Variants in B4GALNT3 observed in about 807,000 individuals in gnomAD.
B4GALNT3 encodes the protein beta-1,4-N-acetyl-galactosaminyltransferase 3, also known as beta-1,4-N-acetylgalactosaminyltransferase 3.
In B4GALNT3, 86 loss-of-function variants were observed where a neutral mutation model predicts 120.2. The observed-to-expected ratio is 0.72, with a 90% CI of 0.60 to 0.86. The LOEUF (loss-of-function observed/expected upper bound fraction) is 0.86. Among genes scored for constraint, B4GALNT3 ranks in the 40% least tolerant of loss-of-function variants. The pLI is 0.00. For missense variants in B4GALNT3, 1,167 were observed against 1,298.9 expected (o/e 0.90, Z 1.56); for synonymous variants, 518 against 510.4 (o/e 1.01, Z -0.20).
intron 5 of B4GALNT3, 105 bp downstream of exon 5, chr12:545,077 T>C: frequency 6.7e-7 from 1 of 1,488,320 alleles, no homozygotes; most frequent in Non-Finnish European, 9.0e-7. Flanking sequence ...AACTTCCTGT[T>C]AGTCCACCCT....
intron 1 of B4GALNT3, among the ~76,000 whole-genome samples, chr12:465,936 C>T (rs1304179798): frequency 7.1e-6 from 1 of 140,196 alleles, no homozygotes; most frequent in Non-Finnish European, 1.5e-5. Flanking sequence ...CCTGGGGCTG[C>T]CTGCCACACT....
chr12:560,874 G>T (rs1052568269), intron 19 of B4GALNT3, among the ~76,000 whole-genome samples: 1 of 152,210 alleles, frequency 6.6e-6, no homozygotes, highest in Non-Finnish European at 1.5e-5. Flanking sequence ...AAAGGCCTGG[G>T]GAGGGCCTAG....
intron 1 of B4GALNT3, among the ~76,000 whole-genome samples, chr12:512,176 TCCGC>T (rs199837529): frequency 1.4e-5 from 1 of 71,796 alleles, no homozygotes; most frequent in Non-Finnish European, 2.5e-5. Context: ...CCTTCCGCCT[TCCGC>T]CTTCCACCTT....
At chr12:489,965 G>A (rs949204385) in intron 1 of B4GALNT3, among the ~76,000 whole-genome samples, 1 of 152,096 alleles carries the variant, frequency 6.6e-6, no homozygotes, top group Non-Finnish European at 1.5e-5. Flanking sequence ...AAAGATAACT[G>A]GAAAGTCCTC....
At chr12:476,464 G>T (rs570517712) in intron 1 of B4GALNT3, among the ~76,000 whole-genome samples, 36 of 152,224 alleles carry the variant, frequency 2.4e-4, no homozygotes, top group Admixed American at 2.4e-3. Context: ...AATTAGCTGG[G>T]CATGGTGGTG....
At chr12:547,986 G>A (rs1277114696) in intron 7 of B4GALNT3, 38 bp from the exon 8 acceptor site, 5 of 1,585,332 alleles carry the variant, frequency 3.2e-6, no homozygotes, top group Non-Finnish European at 3.5e-6. Flanking sequence ...AGGGCCCATG[G>A]AGATGGCGCT....
At chr12:495,872 CAAG>C (rs977028059) in intron 1 of B4GALNT3, among the ~76,000 whole-genome samples, 16 of 152,114 alleles carry the variant, frequency 1.1e-4, no homozygotes, top group African/African-American at 3.9e-4. Flanking sequence ...CCAAGAATTA[CAAG>C]AAGATCAATG....
chr12:535,012 T>C (rs939369289), intron 1 of B4GALNT3, among the ~76,000 whole-genome samples, 154 bp from the exon 2 acceptor site: 8 of 152,168 alleles, frequency 5.3e-5, no homozygotes, highest in Non-Finnish European at 1.2e-4. Context: ...AGTCTGCAGC[T>C]ATCTCCTGCC....
intron 1 of B4GALNT3, among the ~76,000 whole-genome samples, chr12:491,713 A>C (rs557832217): frequency 2.0e-5 from 3 of 152,198 alleles, no homozygotes; most frequent in Admixed American, 2.0e-4. Flanking sequence ...CCTACAACTA[A>C]CATTATACTT....
chr12:540,455 G>A (rs1331923808), intron 3 of B4GALNT3: 1 of 152,196 alleles, frequency 6.6e-6, no homozygotes, highest in African/African-American at 2.4e-5. Flanking sequence ...GTCATAGAAG[G>A]CCTCGGAGAG....
intron 6 of B4GALNT3, among the ~76,000 whole-genome samples, chr12:546,313 G>C (rs1384265022): frequency 6.6e-6 from 1 of 151,584 alleles, no homozygotes; most frequent in Non-Finnish European, 1.5e-5. Context: ...GGAGTGGGGA[G>C]CGAGTCTGAG....
Position 466,823 on chromosome 12 carries a change from A to G in B4GALNT3, c.169+6278A>G, listed in dbSNP as rs368853062. 6.6e-5 allele frequency among the ~76,000 whole-genome samples: 10 copies of G among 152,250 alleles called. No homozygotes were observed. In the East Asian group the frequency reaches 1.2e-3, roughly 18 times the overall value. On this transcript the variant is annotated intron_variant, in intron 1 of 19. Coordinates refer to ENST00000266383, the MANE Select transcript of B4GALNT3 (RefSeq NM_173593.4). ...CATAACTACAAAAGGCCTGATACTG[A>G]CCAACTTTTAAGAAAATAAACATGC...
In B4GALNT3 at chr12:550,807, G is replaced by A. The variant is rs548815621; in HGVS notation, c.998-115G>A. 9.5e-6 allele frequency: 8 copies of A among 839,540 alleles called. No homozygotes were observed. Among genetic ancestry groups the A allele is most frequent in the South Asian group, 1.7e-5 (1 of 57,914 alleles). 52.0% of individuals were successfully genotyped at this position (839,540 alleles called of 1,614,324 possible). The stretch of plus-strand genomic sequence containing the variant: ...GCTGGCAGCCTCAGCCACAGACGTC[G>A]GCAGAACACAGCTGCCGCTTGCGAA... On this transcript the variant is annotated intron_variant, in intron 10 of 19. Coordinates refer to ENST00000266383, the MANE Select transcript of B4GALNT3 (RefSeq NM_173593.4). The surrounding 1 kb of genome is among the most constrained non-coding windows in gnomAD (Gnocchi z 4.1).
At chr12:477,170 C>T (rs1001123989) in intron 1 of B4GALNT3, among the ~76,000 whole-genome samples, 2 of 152,236 alleles carry the variant, frequency 1.3e-5, no homozygotes, top group Non-Finnish European at 2.9e-5. Flanking sequence ...CACCCTCTGC[C>T]TTCGCTCATT....
chr12:507,104 G>A (rs182544100), intron 1 of B4GALNT3, among the ~76,000 whole-genome samples: 1 of 152,332 alleles, frequency 6.6e-6, no homozygotes, highest in Admixed American at 6.5e-5. Context: ...AATATCGGAT[G>A]TTATTATTAA....
chr12:552,943 C>T (rs1947102186), intron 13 of B4GALNT3: 3 of 548,848 alleles, frequency 5.5e-6, no homozygotes, highest in Non-Finnish European at 9.6e-6. Context: ...GCATGTGATG[C>T]CGTTTATCTC....
At chr12:545,720 G>A (rs1946990684) in intron 6 of B4GALNT3, among the ~76,000 whole-genome samples, 1 of 141,940 alleles carries the variant, frequency 7.0e-6, no homozygotes, top group Non-Finnish European at 1.5e-5. Context: ...GGGGAGGAGC[G>A]AGGTGTGGGG....
chr12:476,040 C>A (rs536164577), intron 1 of B4GALNT3, among the ~76,000 whole-genome samples: 1 of 152,330 alleles, frequency 6.6e-6, no homozygotes, highest in Admixed American at 6.5e-5. Flanking sequence ...TCCTCCATTT[C>A]TTCCTTCCTT....
intron 1 of B4GALNT3, among the ~76,000 whole-genome samples, chr12:471,574 T>G (rs11063128): frequency 0.011 from 1,686 of 148,680 alleles, 37 homozygotes; most frequent in African/African-American, 0.04. Flanking sequence ...GGGCATGAGA[T>G]TACATGCCTG....
Sources: allele counts gnomAD v4.1 joint callset (sites outside exome capture counted in the v4.1 genomes callset), GRCh38; gene constraint gnomAD v4.1.1; non-coding constraint Gnocchi (gnomAD v3.1); transcripts MANE v1.5; gene names NCBI Gene and HGNC (gene_info 2026-07-23, HGNC 2026-07-21).